Variants in GNA14 observed in about 807,000 individuals in gnomAD.
GNA14 encodes G protein subunit alpha 14.
In GNA14, 50 loss-of-function variants were observed where a neutral mutation model predicts 42.0. The observed-to-expected ratio is 1.19, with a 90% CI of 0.95 to 1.51. GNA14 has a LOEUF of 1.51. Ranked by LOEUF, GNA14 falls within the 40% of genes most tolerant of loss-of-function variation. The probability of loss-of-function intolerance (pLI) is 0.00; values close to 1 mark genes in which losing one functional copy is unlikely to be tolerated. For missense variants in GNA14, 473 were observed against 446.2 expected (o/e 1.06, Z -0.54); for synonymous variants, 173 against 163.1 (o/e 1.06, Z -0.46).
chr9:77,590,709 TAAAA>T (rs753393966), intron 1 of GNA14, among the ~76,000 whole-genome samples: 23 of 144,410 alleles, frequency 1.6e-4, no homozygotes, highest in African/African-American at 5.6e-4. Context: ...GGTCACACAT[TAAAA>T]AAAAAAAATA....
chr9:77,639,731 CT>C (rs1383792175), intron 1 of GNA14, among the ~76,000 whole-genome samples: 1 of 152,220 alleles, frequency 6.6e-6, no homozygotes, highest in East Asian at 1.9e-4. Flanking sequence ...AAATCCTGCC[CT>C]TTTGCGGAGC....
intron 1 of GNA14, among the ~76,000 whole-genome samples, chr9:77,548,069 AG>A (rs1483110528): frequency 6.6e-6 from 1 of 152,200 alleles, no homozygotes; most frequent in Non-Finnish European, 1.5e-5. Context: ...AAGTTGGAAA[AG>A]GTGCCTGAAT....
At chr9:77,562,713 T>A (rs1822902145) in intron 1 of GNA14, among the ~76,000 whole-genome samples, 1 of 152,236 alleles carries the variant, frequency 6.6e-6, no homozygotes, top group Non-Finnish European at 1.5e-5. Flanking sequence ...ATTTTCAACC[T>A]TCTTGATATG....
chr9:77,431,410 G>A lies in GNA14; in HGVS notation c.504C>T (p.Phe168=), dbSNP rs28395813. 28,182 of 1,613,442 alleles carry A rather than the reference G, an allele frequency of 0.017. 692 individuals carry two copies. Among genetic ancestry groups the A allele is most frequent in the African/African-American group, 0.11 (8,488 of 74,950 alleles). ...TDIDRIATPS[F]VPTQQDVLRV... ...GAAGCACATCTTGTTGGGTAGGCACGAATGATGGTGTGGCGATGCGGTCAA... is the reference window on the plus strand; with the variant it reads ...GAAGCACATCTTGTTGGGTAGGCACAAATGATGGTGTGGCGATGCGGTCAA... The change falls in exon 4 of 7, where the codon TTC becomes TTT. Residue 168 remains phenylalanine (F), a synonymous_variant. Transcript: ENST00000341700.
chr9:77,517,882 A>C (rs1043676033), intron 2 of GNA14: 1 of 151,756 alleles, frequency 6.6e-6, no homozygotes, highest in Non-Finnish European at 1.5e-5. Flanking sequence ...TAGGATTACA[A>C]GTGTGAGCCA....
At chr9:77,641,238 G>T (rs904614073) in intron 1 of GNA14, among the ~76,000 whole-genome samples, 1 of 151,450 alleles carries the variant, frequency 6.6e-6, no homozygotes, top group Non-Finnish European at 1.5e-5. Context: ...GGAGAGTGCT[G>T]GAGTTGGAAA....
intron 2 of GNA14, among the ~76,000 whole-genome samples, chr9:77,494,014 G>A (rs936223182): frequency 6.6e-6 from 1 of 152,062 alleles, no homozygotes; most frequent in Non-Finnish European, 1.5e-5. Context: ...TCCGCCTCCC[G>A]GGTTGAAGTG....
intron 2 of GNA14, among the ~76,000 whole-genome samples, chr9:77,520,529 TA>T (rs1837340077): frequency 6.6e-6 from 1 of 152,214 alleles, no homozygotes; most frequent in Non-Finnish European, 1.5e-5. Context: ...TGTTCCCCTT[TA>T]TATTTTAGGA....
intron 1 of GNA14, among the ~76,000 whole-genome samples, chr9:77,571,715 G>A (rs539401033): frequency 1.6e-4 from 24 of 148,276 alleles, no homozygotes; most frequent in African/African-American, 3.7e-4. Context: ...CAGGAGAATC[G>A]CTTGACTCCA....
rs939318477 is a variant in GNA14 at position 77,423,853 on chromosome 9, C to T, written c.*126G>A. On this transcript the variant is annotated 3_prime_UTR_variant, in exon 7 of 7. Transcript: ENST00000341700. Reference sequence around the variant, plus strand: ...GTTCCATCACCCATCTCTGTCCCCACGATCTACATGACATCCTTAGTTCCT... The same window carrying T: ...GTTCCATCACCCATCTCTGTCCCCATGATCTACATGACATCCTTAGTTCCT... The T allele has an allele frequency of 2.7e-5, 14 of 522,950 alleles. No homozygotes were observed. The highest frequency in any genetic ancestry group is 4.6e-4 in the Middle Eastern group (1 of 2,162). The allele number at this position is 522,950 out of a possible 1,614,324, so 32.4% of individuals were successfully genotyped here.
chr9:77,646,842 C>A (rs535577751), intron 1 of GNA14, among the ~76,000 whole-genome samples: 60 of 152,328 alleles, frequency 3.9e-4, no homozygotes, highest in Non-Finnish European at 7.2e-4. Context: ...AAACCTTAAA[C>A]TGTGTTCTTT....
At chr9:77,583,305 C>T (rs1029517461) in intron 1 of GNA14, among the ~76,000 whole-genome samples, 3 of 152,140 alleles carry the variant, frequency 2.0e-5, no homozygotes, top group African/African-American at 4.8e-5. Flanking sequence ...AATTTACACC[C>T]GAGGTCATGA....
chr9:77,514,712 C>G (rs933429078), intron 2 of GNA14, among the ~76,000 whole-genome samples: 2 of 150,958 alleles, frequency 1.3e-5, no homozygotes, highest in Non-Finnish European at 2.9e-5. Flanking sequence ...CTCCCGGGTT[C>G]ACGCCATTCT....
chr9:77,618,567 G>C (rs1823858814), intron 1 of GNA14, among the ~76,000 whole-genome samples: 3 of 116,178 alleles, frequency 2.6e-5, no homozygotes, highest in Non-Finnish European at 5.0e-5. Context: ...TTATATGCTG[G>C]ATGATTACAT....
intron 2 of GNA14, among the ~76,000 whole-genome samples, chr9:77,514,787 G>A (rs1337028169): frequency 6.6e-6 from 1 of 151,932 alleles, no homozygotes; most frequent in Non-Finnish European, 1.5e-5. Context: ...CTAATTTTTT[G>A]TATTTTTAGT....
At chr9:77,541,324 G>A (rs1032227212) in intron 1 of GNA14, among the ~76,000 whole-genome samples, 1 of 152,090 alleles carries the variant, frequency 6.6e-6, no homozygotes, top group African/African-American at 2.4e-5. Flanking sequence ...ATCCTTGGGT[G>A]CAACCTTTTT....
intron 1 of GNA14, among the ~76,000 whole-genome samples, chr9:77,540,313 T>C (rs926578492): frequency 6.6e-6 from 1 of 152,182 alleles, no homozygotes; most frequent in Non-Finnish European, 1.5e-5. Flanking sequence ...TCCCTAGTTT[T>C]ATTCCATTGT....
rs552301809 is a variant in GNA14 at position 77,458,404 on chromosome 9, G to A, written c.310-23882C>T. Among the ~76,000 whole-genome samples, 8 of 152,146 alleles carry A rather than the reference G, an allele frequency of 5.3e-5. 1 individual carries two copies. The East Asian group carries it at 1.2e-3, about 22-fold the overall frequency. On this transcript the variant is annotated intron_variant, in intron 2 of 6. Transcript: ENST00000341700. ...GGCGGACTAGGAATGCGCTGGCCACGCGCGCCTGAACCTGCAGTGGGTTTC... is the reference window on the plus strand; with the variant it reads ...GGCGGACTAGGAATGCGCTGGCCACACGCGCCTGAACCTGCAGTGGGTTTC...
intron 2 of GNA14, among the ~76,000 whole-genome samples, chr9:77,467,466 G>A (rs756102818): frequency 6.6e-6 from 1 of 150,874 alleles, no homozygotes; most frequent in Non-Finnish European, 1.5e-5. Flanking sequence ...ATCTCAGGAA[G>A]GGTATTCTGG....
Sources: gnomAD v4.1 joint callset for allele counts (sites outside exome capture counted in the v4.1 genomes callset) on GRCh38, gnomAD v4.1.1 for gene constraint, MANE v1.5 for transcripts, NCBI Gene and HGNC (gene_info 2026-07-23, HGNC 2026-07-21) for gene names.